Variants in TAF1B observed in about 807,000 individuals in gnomAD.
TAF1B encodes the protein TATA-box binding protein associated factor, RNA polymerase I subunit B.
A neutral mutation model predicts 83.9 loss-of-function variants in TAF1B; 61 were observed. The ratio of observed to expected loss-of-function variants is 0.73; its 90% CI spans 0.59 to 0.90. TAF1B has a LOEUF of 0.90. TAF1B is among the 40% of genes least tolerant of loss of function. TAF1B has a pLI of 0.00. For missense variants in TAF1B, 625 were observed against 677.0 expected, an observed-to-expected ratio of 0.92 and a Z score of 0.85; for synonymous variants, 221 against 224.6, an observed-to-expected ratio of 0.98 and a Z score of 0.14.
rs937710557 is a variant in TAF1B at position 9,875,936 on chromosome 2, A to T, written c.625A>T (p.Met209Leu). ...SQRKEKGIVK[M>L]TMPQTLAFCY... is the part of the protein sequence containing the mutation. ...ACGAAAGGAGAAGGGAATCGTGAAG[A>T]TGACCATGCCACAGACACTTGCCTT... The change falls in exon 7 of 15, where the codon ATG becomes TTG. Residue 209 changes from methionine (M) to leucine (L), a missense_variant. Met to Leu is a conservative substitution (Grantham distance 15, BLOSUM62 2). Transcript: ENST00000263663. The T allele has an allele frequency of 3.7e-6, 6 of 1,613,762 alleles. No individual in the cohort carries two copies. The highest frequency in any genetic ancestry group is 1.6e-4 in the Middle Eastern group (1 of 6,062).
intron 14 of TAF1B, among the ~76,000 whole-genome samples, chr2:9,930,156 T>C (rs2125186947): frequency 6.6e-6 from 1 of 152,074 alleles, no homozygotes; most frequent in South Asian, 2.1e-4. Context: ...TTTTTAAGGG[T>C]TTTTTGTGTC....
intron 12 of TAF1B, among the ~76,000 whole-genome samples, chr2:9,915,523 T>A (rs1307607753): frequency 6.6e-6 from 1 of 152,218 alleles, no homozygotes; most frequent in Non-Finnish European, 1.5e-5. Flanking sequence ...CAAGATGGCA[T>A]GTGAAAAGAT....
rs1664552834 is a variant in TAF1B at position 9,882,825 on chromosome 2, A to G, written c.807+20A>G. The stretch of plus-strand genomic sequence containing the variant: ...ATAGAGGTAAGTTATTTTCTTTTTT[A>G]CTTTCTAGTCTCTGATAAGGCACAA... On this transcript the variant is annotated intron_variant, in intron 8 of 14. Transcript: ENST00000263663. 1 of 1,532,926 alleles carries G rather than the reference A, an allele frequency of 6.5e-7. No individual in the cohort carries two copies. Among genetic ancestry groups the G allele is most frequent in the African/African-American group, 1.4e-5 (1 of 72,516 alleles). The allele number at this position is 1,532,926 out of a possible 1,614,324, so 95.0% of individuals were successfully genotyped here. A position where few individuals can be genotyped will look rare whatever the true frequency, so the allele number is the denominator to read the frequency against.
chr2:9,917,423 C>T (rs528791715), intron 12 of TAF1B, among the ~76,000 whole-genome samples: 70 of 152,256 alleles, frequency 4.6e-4, no homozygotes, highest in African/African-American at 1.7e-3. Flanking sequence ...ATTTGTATTT[C>T]TGGCTTCCTA....
intron 7 of TAF1B, among the ~76,000 whole-genome samples, chr2:9,880,818 C>T (rs116771625): frequency 0.015 from 2,281 of 152,160 alleles, 58 homozygotes; most frequent in African/African-American, 0.051. Flanking sequence ...GAATACTAGG[C>T]AGCTTAAAAA....
intron 9 of TAF1B, among the ~76,000 whole-genome samples, chr2:9,908,312 G>C (rs1665414273): frequency 6.6e-6 from 1 of 151,942 alleles, no homozygotes; most frequent in Non-Finnish European, 1.5e-5. Context: ...CTCCCAAACT[G>C]CTGGGATTAC....
chr2:9,879,585 T>A (rs1664430202), intron 7 of TAF1B, among the ~76,000 whole-genome samples: 1 of 152,124 alleles, frequency 6.6e-6, no homozygotes, highest in South Asian at 2.1e-4. Flanking sequence ...GTACTGGCAT[T>A]CCGGGTAGAA....
chr2:9,847,911 G>A (rs527969254), intron 2 of TAF1B, among the ~76,000 whole-genome samples: 5 of 152,246 alleles, frequency 3.3e-5, no homozygotes, highest in Non-Finnish European at 5.9e-5. Flanking sequence ...ATCTTCTGCC[G>A]TAACAACTTG....
intron 8 of TAF1B, among the ~76,000 whole-genome samples, chr2:9,895,514 A>G (rs1664991115): frequency 6.6e-6 from 1 of 152,202 alleles, no homozygotes; most frequent in Admixed American, 6.5e-5. Flanking sequence ...AGAAAAAAAA[A>G]AAGTATTTTT....
chr2:9,877,388 G>C (rs1262366199), intron 7 of TAF1B, among the ~76,000 whole-genome samples: 1 of 152,098 alleles, frequency 6.6e-6, no homozygotes, highest in Non-Finnish European at 1.5e-5. Flanking sequence ...CCACCCTGTT[G>C]CATCCTATCC....
At chr2:9,844,024 A>T (rs2125131368) in intron 1 of TAF1B, among the ~76,000 whole-genome samples, 1 of 151,162 alleles carries the variant, frequency 6.6e-6, no homozygotes, top group South Asian at 2.1e-4. Flanking sequence ...GGGTTTGGGA[A>T]CTCCCCAAAT....
At chr2:9,880,202 T>C (rs1047596484) in intron 7 of TAF1B, among the ~76,000 whole-genome samples, 2 of 152,178 alleles carry the variant, frequency 1.3e-5, no homozygotes, top group African/African-American at 2.4e-5. Flanking sequence ...AGGATGAGTT[T>C]ACTAAATTTC....
chr2:9,919,231 G>A (rs1410485950), intron 13 of TAF1B, 120 bp downstream of exon 13: 1 of 773,650 alleles, frequency 1.3e-6, no homozygotes. Context: ...ATGTTCCAGG[G>A]CACATGTACA....
At chr2:9,926,745 AGGAGAATCACTTG>A (rs1666052612) in intron 14 of TAF1B, among the ~76,000 whole-genome samples, 1 of 147,880 alleles carries the variant, frequency 6.8e-6, no homozygotes, top group Non-Finnish European at 1.5e-5. Context: ...GGGCTGAGGC[AGGAGAATCACTTG>A]AACCTGGGAG....
Position 9,904,989 on chromosome 2 carries a change from T to G in TAF1B, c.938T>G (p.Met313Arg). 6.2e-7 allele frequency: 1 copy of G among 1,612,426 alleles called. No individual in the cohort carries two copies. Among genetic ancestry groups the G allele is most frequent in the Non-Finnish European group, 8.5e-7 (1 of 1,178,630 alleles). ...AACATACTGTGTATGAAATACTTGA[T>G]GGAAGTCAACCTCCCTGGTAAGTGT... The part of the protein sequence containing the change: ...HPNILCMKYL[M>R]EVNLPDEMHS... The change falls in exon 9 of 15, where the codon ATG (methionine) becomes AGG (arginine). Residue 313 changes from methionine to arginine, a missense_variant. Met to Arg is a moderately conservative substitution (Grantham distance 91). Transcript: ENST00000263663.
At chr2:9,854,442 G>C in intron 5 of TAF1B, 21 bp downstream of exon 5, 1 of 1,583,432 alleles carries the variant, frequency 6.3e-7, no homozygotes, top group Non-Finnish European at 8.7e-7. Flanking sequence ...AGTCTGAAAA[G>C]TTGGATTAAA....
rs781650564 is a variant in TAF1B, at chr2:9,875,119, AC to A, written c.554-743del. On this transcript the variant is annotated intron_variant, in intron 6 of 14. Transcript: ENST00000263663. Reference sequence around the variant, plus strand: ...TGGGATTACAGGCGTCCACCACTACACCCGGCTAATTTTTTGTATTTTTTAG... The same window carrying A: ...TGGGATTACAGGCGTCCACCACTACACCGGCTAATTTTTTGTATTTTTTAG... Among the ~76,000 whole-genome samples, 8 of 151,716 alleles carry A rather than the reference AC, an allele frequency of 5.3e-5. No individual in the cohort carries two copies. In the South Asian group the frequency reaches 1.5e-3, roughly 28 times the overall value.
chr2:9,883,791 G>C (rs1263003314), intron 8 of TAF1B, among the ~76,000 whole-genome samples: 1 of 152,214 alleles, frequency 6.6e-6, no homozygotes, highest in African/African-American at 2.4e-5. Context: ...AGTACTCCCT[G>C]GCAAAGCTGA....
At chr2:9,847,053 A>G (rs1299312724) in intron 2 of TAF1B, among the ~76,000 whole-genome samples, 1 of 152,248 alleles carries the variant, frequency 6.6e-6, no homozygotes, top group Non-Finnish European at 1.5e-5. Flanking sequence ...ATTGAACTAC[A>G]TTAACTAATT....
Sources: allele counts gnomAD v4.1 joint callset (sites outside exome capture counted in the v4.1 genomes callset), GRCh38; gene constraint gnomAD v4.1.1; transcripts MANE v1.5; gene names NCBI Gene and HGNC (gene_info 2026-07-23, HGNC 2026-07-21).